The following ANK3 variants were observed in gnomAD, a reference collection of about 807,000 sequenced individuals.
ANK3 encodes ankyrin-3.
A neutral mutation model predicts 370.9 loss-of-function variants in ANK3; 57 were observed. The ratio of observed to expected loss-of-function variants is 0.15; its 90% CI spans 0.12 to 0.19. The LOEUF (loss-of-function observed/expected upper bound fraction) is 0.19. Ranked by LOEUF, ANK3 falls within the 10% of genes least tolerant of loss-of-function variation. The probability of loss-of-function intolerance (pLI) is 1.00; values close to 1 mark genes in which losing one functional copy is unlikely to be tolerated. For missense variants in ANK3, 4,439 were observed against 5,302.1 expected (o/e 0.84, Z 5.06); for synonymous variants, 1,929 against 1,946.3 (o/e 0.99, Z 0.23).
intron 1 of ANK3, among the ~76,000 whole-genome samples, chr10:60,316,683 G>A (rs1555280561): frequency 6.6e-6 from 1 of 152,130 alleles, no homozygotes; most frequent in Non-Finnish European, 1.5e-5. Flanking sequence ...CTGCAACCCT[G>A]TCTCGCATAT....
intron 2 of ANK3, among the ~76,000 whole-genome samples, chr10:60,490,924 C>A (rs2075481760): frequency 6.6e-6 from 1 of 152,108 alleles, no homozygotes; most frequent in African/African-American, 2.4e-5. Flanking sequence ...CTTCCCTGTC[C>A]CTTTCCAGTA....
chr10:60,283,348 T>C lies in ANK3; in HGVS notation c.115-3709A>G, dbSNP rs113177585. On this transcript the variant is annotated intron_variant, in intron 1 of 43. Transcript: ENST00000280772. Reference sequence around the variant, plus strand: ...TCTATAGCTGGTTTTTTTAACCTTTTGATAACCTTGTATCAAAATAATGCC... The same window carrying C: ...TCTATAGCTGGTTTTTTTAACCTTTCGATAACCTTGTATCAAAATAATGCC... 6.5e-3 allele frequency among the ~76,000 whole-genome samples: 989 copies of C among 152,288 alleles called. 10 individuals carry two copies. Among genetic ancestry groups the C allele is most frequent in the African/African-American group, 0.022 (927 of 41,562 alleles).
chr10:60,625,364 T>C (rs1012405785), intron 1 of ANK3, among the ~76,000 whole-genome samples: 15 of 152,180 alleles, frequency 9.9e-5, no homozygotes. Flanking sequence ...GTAATAGACA[T>C]TTGAATTGCA....
intron 1 of ANK3, among the ~76,000 whole-genome samples, chr10:60,350,388 G>T (rs4948406): frequency 0.7 from 106,131 of 152,036 alleles, 38,318 homozygotes; most frequent in South Asian, 0.91. Flanking sequence ...AAATGTGGTT[G>T]AAAAACTTCA....
intron 1 of ANK3, among the ~76,000 whole-genome samples, chr10:60,287,123 C>A (rs1016455079): frequency 2.0e-5 from 3 of 152,118 alleles, no homozygotes; most frequent in Admixed American, 1.3e-4. Flanking sequence ...AGACTATCCA[C>A]CTTGGGCATG....
chr10:60,246,473 A>G (rs985612883), intron 7 of ANK3, among the ~76,000 whole-genome samples: 2 of 152,130 alleles, frequency 1.3e-5, no homozygotes, highest in South Asian at 4.1e-4. Flanking sequence ...TCCATACTGG[A>G]TTTGCTGAGA....
intron 8 of ANK3, 39 bp downstream of exon 8, chr10:60,234,649 G>A (rs777179522): frequency 2.4e-6 from 3 of 1,246,186 alleles, no homozygotes; most frequent in Non-Finnish European, 3.5e-6. Context: ...CCTACTTCCT[G>A]AATACAAGTA....
At chr10:60,659,475 G>T (rs2078908718) in intron 1 of ANK3, among the ~76,000 whole-genome samples, 1 of 151,772 alleles carries the variant, frequency 6.6e-6, no homozygotes, top group Non-Finnish European at 1.5e-5. Context: ...TTTTATCATT[G>T]TTATCTGCAA....
Position 60,134,417 on chromosome 10 carries a change from T to G in ANK3, c.2739-44A>C. 3.4e-6 allele frequency: 5 copies of G among 1,476,928 alleles called. No individual in the cohort carries two copies. The South Asian group carries it at 6.1e-5, about 18-fold the overall frequency. 91.5% of individuals were successfully genotyped at this position (1,476,928 alleles called of 1,614,324 possible). On this transcript the variant is annotated intron_variant, in intron 24 of 43. Coordinates refer to ENST00000280772, the MANE Select transcript of ANK3 (RefSeq NM_020987.5). Reference sequence around the variant, plus strand: ...ACCATTCAACAGTGGTAGATGATGATGAGATGAATAAAAAAAAATTAATGC... The same window carrying G: ...ACCATTCAACAGTGGTAGATGATGAGGAGATGAATAAAAAAAAATTAATGC...
At chr10:60,601,257 C>T (rs1173110972) in intron 2 of ANK3, among the ~76,000 whole-genome samples, 4 of 151,380 alleles carry the variant, frequency 2.6e-5, no homozygotes, top group African/African-American at 9.7e-5. Context: ...CTTCCCACAC[C>T]TTGAATATGG....
At position 60,069,639 on chromosome 10, in the gene ANK3, C is replaced by A; in HGVS notation, c.11242G>T (p.Val3748Leu). The A allele has an allele frequency of 6.2e-7, 1 of 1,614,142 alleles. No individual in the cohort carries two copies. The highest frequency in any genetic ancestry group is 8.5e-7 in the Non-Finnish European group (1 of 1,180,010). Residue 3748 changes from valine (V) to leucine (L), a missense_variant, in exon 37 of 44, where the codon GTG becomes TTG. By Grantham distance (32) the Val-to-Leu change is conservative. Coordinates refer to ENST00000280772, the MANE Select transcript of ANK3 (RefSeq NM_020987.5). Reference protein sequence around the residue: ...PGEITDKIEAVMTSCQGLENE... With the variant: ...PGEITDKIEALMTSCQGLENE... Reference sequence around the variant, plus strand: ...TCTAATCCCTGACAACTGGTCATCACCGCTTCTATCTTATCTGTTATTTCT... The same window carrying A: ...TCTAATCCCTGACAACTGGTCATCAACGCTTCTATCTTATCTGTTATTTCT...
chr10:60,127,854 T>C (rs889385509), intron 25 of ANK3, among the ~76,000 whole-genome samples: 15 of 151,484 alleles, frequency 9.9e-5, no homozygotes, highest in Non-Finnish European at 2.1e-4. Context: ...CGTGCCACCA[T>C]GCCCGGCTAA....
intron 8 of ANK3, among the ~76,000 whole-genome samples, chr10:60,227,256 C>T (rs1028361245): frequency 6.6e-6 from 1 of 151,836 alleles, no homozygotes; most frequent in Non-Finnish European, 1.5e-5. Context: ...TAAAGGTGGC[C>T]CATCATTTTC....
chr10:60,439,130 T>C (rs928216131), intron 2 of ANK3, among the ~76,000 whole-genome samples: 2 of 152,190 alleles, frequency 1.3e-5, no homozygotes, highest in African/African-American at 4.8e-5. Flanking sequence ...GTTGAAATTA[T>C]TAAGAAATGA....
intron 2 of ANK3, chr10:60,572,954 A>G: frequency 1.0e-6 from 1 of 990,844 alleles, no homozygotes; most frequent in Non-Finnish European, 1.2e-6. Flanking sequence ...TAAGCTACAG[A>G]CTGCTGACAA....
intron 2 of ANK3, among the ~76,000 whole-genome samples, chr10:60,604,914 C>T (rs1364505308): frequency 4.6e-5 from 7 of 152,166 alleles, no homozygotes; most frequent in African/African-American, 1.4e-4. Context: ...AATGGACCTT[C>T]TCTCCATAAG....
intron 23 of ANK3, among the ~76,000 whole-genome samples, chr10:60,158,685 C>CTTTTTTTTTTTA: frequency 7.5e-6 from 1 of 132,756 alleles, no homozygotes; most frequent in African/African-American, 2.9e-5. Flanking sequence ...CACTTTTTTT[C>CTTTTTTTTTTTA]TTTTTTTTGA....
chr10:60,605,624 C>CAAGG (rs2078119080), intron 2 of ANK3, among the ~76,000 whole-genome samples: 2 of 151,968 alleles, frequency 1.3e-5, no homozygotes, highest in Non-Finnish European at 2.9e-5. Flanking sequence ...TTGCTTCTTA[C>CAAGG]AAGGAAACTA....
upstream of ANK3, among the ~76,000 whole-genome samples, chr10:60,390,719 T>TA (rs574901275): frequency 8.9e-5 from 9 of 101,052 alleles, no homozygotes; most frequent in South Asian, 1.0e-3. Flanking sequence ...TGAGACCTAG[T>TA]AAAAAAAAGA....
Sources: gnomAD v4.1 joint callset for allele counts (sites outside exome capture counted in the v4.1 genomes callset) on GRCh38, gnomAD v4.1.1 for gene constraint, MANE v1.5 for transcripts, NCBI Gene and HGNC (gene_info 2026-07-23, HGNC 2026-07-21) for gene names.